PARP6: variants seen among roughly 807,000 people sequenced by gnomAD.
PARP6 encodes the protein poly(ADP-ribose) polymerase family member 6.
In PARP6, 27 loss-of-function variants were observed where a neutral mutation model predicts 92.0. The ratio of observed to expected loss-of-function variants is 0.29; its 90% CI spans 0.22 to 0.40. The LOEUF is 0.40. Among genes scored for constraint, PARP6 ranks in the 10% least tolerant of loss-of-function variants. PARP6 has a pLI of 1.00. For missense variants in PARP6, 501 were observed against 784.5 expected (o/e 0.64, Z 4.32); for synonymous variants, 272 against 281.2 (o/e 0.97, Z 0.33).
At chr15:72,266,115 T>G in intron 4 of PARP6, 124 bp from the exon 5 acceptor site, 1 of 707,508 alleles carries the variant, frequency 1.4e-6, no homozygotes, top group South Asian at 1.6e-5. Context: ...ATAGGGGAAG[T>G]AAAAGCCACT....
intron 15 of PARP6, 44 bp downstream of exon 15, chr15:72,254,389 TACCAACAGAATAGGACACTTGA>T: frequency 8.6e-7 from 1 of 1,156,708 alleles, no homozygotes; most frequent in Non-Finnish European, 1.3e-6. Flanking sequence ...TCCCACAAAT[TACCAACAGAATAGGACACTTGA>T]ACTGGGCAGG....
intron 12 of PARP6, 122 bp downstream of exon 12, chr15:72,257,915 C>A (rs751275828): frequency 7.6e-5 from 54 of 707,636 alleles, no homozygotes; most frequent in Non-Finnish European, 1.2e-4. Context: ...TCAACAATTT[C>A]TAGAGTATCA....
chr15:72,241,238 G>C lies in PARP6; in HGVS notation c.*217C>G, dbSNP rs1004105620. ...TATTTACAAACAGGGTGAAGTCAAAGGGAAAGTCAGGGGATGGAGTCAGTC... is the reference window on the plus strand; with the variant it reads ...TATTTACAAACAGGGTGAAGTCAAACGGAAAGTCAGGGGATGGAGTCAGTC... On this transcript the variant is annotated 3_prime_UTR_variant, in exon 24 of 24. Coordinates refer to ENST00000569795, the MANE Select transcript of PARP6 (RefSeq NM_001323532.2). The surrounding 1 kb of genome is among the most constrained non-coding windows in gnomAD (Gnocchi z 4.1). 8.9e-6 allele frequency: 6 copies of C among 672,656 alleles called. No individual in the cohort carries two copies. Among genetic ancestry groups the C allele is most frequent in the Non-Finnish European group, 1.6e-5 (6 of 365,620 alleles). 41.7% of individuals were successfully genotyped at this position (672,656 alleles called of 1,614,324 possible).
chr15:72,250,304 T>A (rs2084182886), intron 18 of PARP6: 2 of 496,566 alleles, frequency 4.0e-6, no homozygotes, highest in South Asian at 5.2e-5. Flanking sequence ...CCATCCTCTC[T>A]TCGGTGCTTC....
At position 72,251,246 on chromosome 15, in the gene PARP6, A is replaced by G. The variant is rs1443212869; in HGVS notation, c.1269T>C (p.Ser423=). The change falls in exon 17 of 24, where the codon TCT becomes TCC. Residue 423 remains serine, a synonymous_variant. Coordinates refer to ENST00000569795, the MANE Select transcript of PARP6 (RefSeq NM_001323532.2). ...GTTTGACAATGTGTGACCTGTTGCTAGAGATGATCCTGGGAAGAAACAGAA... is the reference window on the plus strand; with the variant it reads ...GTTTGACAATGTGTGACCTGTTGCTGGAGATGATCCTGGGAAGAAACAGAA... ...LAHPLLQWII[S]SNRSHIVKLP... is the part of the protein sequence containing the mutation. The G allele has an allele frequency of 1.9e-6, 3 of 1,590,108 alleles. No homozygotes were observed. In the African/African-American group the frequency reaches 4.0e-5, roughly 21 times the overall value.
intron 1 of PARP6, among the ~76,000 whole-genome samples, chr15:72,271,761 C>T (rs564113413): frequency 6.6e-6 from 1 of 152,256 alleles, no homozygotes; most frequent in African/African-American, 2.4e-5. Flanking sequence ...TGGGCCCTTT[C>T]AAAAGAAGTT....
intron 14 of PARP6, among the ~76,000 whole-genome samples, chr15:72,255,548 G>A (rs558242847): frequency 6.6e-6 from 1 of 152,130 alleles, no homozygotes; most frequent in South Asian, 2.1e-4. Flanking sequence ...AGAAGCCACT[G>A]CGCCCAGCCC....
chr15:72,242,667 T>TG lies in PARP6; in HGVS notation c.1593dup (p.Lys532GlnfsTer3). 6.2e-7 allele frequency: 1 copy of TG among 1,612,714 alleles called. No individual in the cohort carries two copies. The highest frequency in any genetic ancestry group is 8.5e-7 in the Non-Finnish European group (1 of 1,178,934). On this transcript the variant is annotated frameshift_variant, in exon 21 of 24. Transcript: ENST00000569795. LOFTEE classifies it high-confidence loss of function. This position sits in a 1 kb window ranked among gnomAD's most constrained non-coding sequence, Gnocchi z 4.3. The stretch of plus-strand genomic sequence containing the variant: ...TTGTATCTCTGGACCAGCTCATCCT[T>TG]GGAGGGCATCCTGTGCTGTCCTTTT...
Position 72,267,470 on chromosome 15 carries a change from C to T in PARP6, c.3+5G>A. On this transcript the variant is annotated splice_donor_5th_base_variant and intron_variant, in intron 3 of 23. Transcript: ENST00000569795. ...CAGTTGGAGAGGTGGGCAGTCAGTT[C>T]TCACCATTGGGTCAGTGGGTCACAC... 1 of 1,613,864 alleles carries T rather than the reference C, an allele frequency of 6.2e-7. No homozygotes were observed. The highest frequency in any genetic ancestry group is 8.5e-7 in the Non-Finnish European group (1 of 1,179,790).
chr15:72,254,414 T>C (rs1222333246), intron 15 of PARP6, 41 bp downstream of exon 15: 1 of 1,388,822 alleles, frequency 7.2e-7, no homozygotes, highest in African/African-American at 1.4e-5. Flanking sequence ...ACACTTGAAC[T>C]GGGCAGGCAA....
At chr15:72,250,145 C>T in intron 18 of PARP6, 53 bp from the exon 19 acceptor site, 1 of 1,168,658 alleles carries the variant, frequency 8.6e-7, no homozygotes, top group Non-Finnish European at 1.3e-6. Flanking sequence ...TTCCCAGGAA[C>T]ACTCCCAAGA....
At chr15:72,254,021 G>T (rs1219744330) in intron 15 of PARP6, 3 of 461,406 alleles carry the variant, frequency 6.5e-6, no homozygotes, top group Non-Finnish European at 1.3e-5. Flanking sequence ...TCTGGTGAGG[G>T]ACAGCCTTGA....
intron 20 of PARP6, chr15:72,245,219 T>C (rs7174264): frequency 0.038 from 5,753 of 152,020 alleles, 190 homozygotes; most frequent in African/African-American, 0.089. Flanking sequence ...AAAAATCAGC[T>C]GGGCGTGGTG....
chr15:72,262,047 A>G (rs1257433574), intron 8 of PARP6, among the ~76,000 whole-genome samples: 1 of 152,222 alleles, frequency 6.6e-6, no homozygotes, highest in African/African-American at 2.4e-5. Flanking sequence ...CAGAAGTGGT[A>G]GGATGGAGGT....
intron 1 of PARP6, 23 bp downstream of exon 1, chr15:72,272,370 A>C (rs1384505934): frequency 6.6e-6 from 1 of 151,978 alleles, no homozygotes; most frequent in Admixed American, 6.6e-5. Context: ...GGCCCTCAGA[A>C]CCTCCCGGTC....
chr15:72,270,952 C>G (rs1457588669), intron 2 of PARP6, 71 bp downstream of exon 2: 5 of 152,134 alleles, frequency 3.3e-5, no homozygotes, highest in Admixed American at 3.3e-4. Context: ...GAGATATATA[C>G]AATAACCTGC....
At chr15:72,263,066 A>C (rs774484148) in intron 8 of PARP6, among the ~76,000 whole-genome samples, 2 of 152,218 alleles carry the variant, frequency 1.3e-5, no homozygotes, top group Non-Finnish European at 2.9e-5. Context: ...CTCTACCTGC[A>C]TATCTGAAAG....
chr15:72,247,970 C>T (rs1430965056), intron 20 of PARP6, among the ~76,000 whole-genome samples: 1 of 151,984 alleles, frequency 6.6e-6, no homozygotes, highest in Non-Finnish European at 1.5e-5. Flanking sequence ...AGGATTTCAC[C>T]ATGTTGGCCA....
chr15:72,272,219 G>A (rs1272424281), intron 1 of PARP6, 174 bp downstream of exon 1: 2 of 152,266 alleles, frequency 1.3e-5, no homozygotes, highest in Non-Finnish European at 2.9e-5. Context: ...CCTCTCCCGG[G>A]GAAGCAGTTA....
Sources: allele counts gnomAD v4.1 joint callset (sites outside exome capture counted in the v4.1 genomes callset), GRCh38; gene constraint gnomAD v4.1.1; non-coding constraint Gnocchi (gnomAD v3.1); transcripts MANE v1.5; gene names NCBI Gene and HGNC (gene_info 2026-07-23, HGNC 2026-07-21).